INSYN1: variants seen among roughly 807,000 people sequenced by gnomAD.
INSYN1 encodes UPF0583 protein C15orf59.
Under a neutral mutation model 17.1 loss-of-function variants are expected in INSYN1, and 7 were observed. The ratio of observed to expected loss-of-function variants is 0.41; its 90% CI spans 0.23 to 0.77. The LOEUF (loss-of-function observed/expected upper bound fraction) is 0.77, where lower values mean the gene tolerates loss of function less well. Among genes scored for constraint, INSYN1 ranks in the 30% least tolerant of loss-of-function variants. INSYN1 has a pLI of 0.32. For missense variants in INSYN1, 339 were observed against 400.6 expected, an observed-to-expected ratio of 0.85 and a Z score of 1.31; for synonymous variants, 174 against 166.3, an observed-to-expected ratio of 1.05 and a Z score of -0.36.
chr15:73,741,451 C>T (rs1432053719), intron 2 of INSYN1, among the ~76,000 whole-genome samples: 1 of 152,226 alleles, frequency 6.6e-6, no homozygotes, highest in Non-Finnish European at 1.5e-5. Context: ...TCACTCCACC[C>T]TGGCCTGCCT....
At chr15:73,741,726 C>T (rs1901696224) in intron 2 of INSYN1, among the ~76,000 whole-genome samples, 1 of 152,220 alleles carries the variant, frequency 6.6e-6, no homozygotes, top group Non-Finnish European at 1.5e-5. Context: ...GTGAGTCATC[C>T]AGATCAGAAT....
chr15:73,737,838 C>A lies in INSYN1; in HGVS notation c.*2079G>T, dbSNP rs1328411819. The A allele has an allele frequency of 2.0e-5, 3 of 152,378 alleles. No homozygotes were observed. In the East Asian group the frequency reaches 5.8e-4, roughly 29 times the overall value. The allele number at this position is 152,378 out of a possible 1,614,324, so 9.4% of individuals were successfully genotyped here. ...CGGACAGACGCTGGGGGGCTGTAAA[C>A]CTGCCTTAATTGAAATATGCAACAG... On this transcript the variant is annotated 3_prime_UTR_variant, in exon 3 of 3. Transcript: ENST00000569673.
chr15:73,744,005 C>T (rs539738309), intron 2 of INSYN1, among the ~76,000 whole-genome samples: 2 of 152,180 alleles, frequency 1.3e-5, no homozygotes, highest in South Asian at 2.1e-4. Context: ...AGTTACTCAA[C>T]GTCTCTGTGC....
At chr15:73,741,793 T>C (rs1202738576) in intron 2 of INSYN1, among the ~76,000 whole-genome samples, 1 of 152,184 alleles carries the variant, frequency 6.6e-6, no homozygotes, top group Non-Finnish European at 1.5e-5. Context: ...AGGCAATTAA[T>C]TAATTAACTC....
At position 73,739,865 on chromosome 15, in the gene INSYN1, A is replaced by ATATATATATATATATATATT. The variant is rs1410142997; in HGVS notation, c.*51_*52insAATATATATATATATATATA. 2 of 328,026 alleles carry ATATATATATATATATATATT rather than the reference A, an allele frequency of 6.1e-6. No individual in the cohort carries two copies. The highest frequency in any genetic ancestry group is 4.5e-5 in the African/African-American group (2 of 44,342). The allele number at this position is 328,026 out of a possible 1,614,324, so 20.3% of individuals were successfully genotyped here. ...TATATATATATATATATATATATAT[A>ATATATATATATATATATATT]TATTTATTTATAGCTCTATGTGCCC... On this transcript the variant is annotated 3_prime_UTR_variant, in exon 3 of 3. Transcript: ENST00000569673.
At chr15:73,748,708 C>T (rs1901902343) in intron 2 of INSYN1, among the ~76,000 whole-genome samples, 1 of 152,192 alleles carries the variant, frequency 6.6e-6, no homozygotes, top group Admixed American at 6.5e-5. Flanking sequence ...CTTGGTAACC[C>T]CATCCCTGGC....
Position 73,737,460 on chromosome 15 carries a change from G to A in INSYN1, c.*2457C>T, listed in dbSNP as rs1036785210. Reference sequence around the variant, plus strand: ...TCATCCTGTGAACCAGAGCCCTATCGCTGATCAGCACCAAATGGCTGAGGA... The same window carrying A: ...TCATCCTGTGAACCAGAGCCCTATCACTGATCAGCACCAAATGGCTGAGGA... On this transcript the variant is annotated 3_prime_UTR_variant, in exon 3 of 3. Transcript: ENST00000569673. 2.0e-5 allele frequency: 3 copies of A among 152,268 alleles called. No individual in the cohort carries two copies. Among genetic ancestry groups the A allele is most frequent in the East Asian group, 1.9e-4 (1 of 5,194 alleles). The allele number at this position is 152,268 out of a possible 1,614,324, so 9.4% of individuals were successfully genotyped here.
At chr15:73,748,189 G>A (rs963137080) in intron 2 of INSYN1, among the ~76,000 whole-genome samples, 1 of 152,180 alleles carries the variant, frequency 6.6e-6, no homozygotes, top group African/African-American at 2.4e-5. Context: ...GACCTGGGGA[G>A]GAAGTGCTTT....
In INSYN1 at chr15:73,751,103, C is replaced by T; in HGVS notation, c.28G>A (p.Gly10Arg). 3 of 1,613,920 alleles carry T rather than the reference C, an allele frequency of 1.9e-6. No individual in the cohort carries two copies. The highest frequency in any genetic ancestry group is 1.7e-6 in the Non-Finnish European group (2 of 1,180,020). The change falls in exon 2 of 3, where the codon GGG becomes AGG. Residue 10 changes from glycine (G) to arginine (R), a missense_variant. Transcript: ENST00000569673. The stretch of plus-strand genomic sequence containing the variant: ...CTGCTGGGGTCGTCACTGGGCTGCC[C>T]GAGGTCCGGGGCGCCCCGAATGTTC... The part of the protein sequence containing the change: MNIRGAPDL[G>R]QPSDDPSSGG...
At chr15:73,749,996 C>T (rs1366951700) in intron 2 of INSYN1, among the ~76,000 whole-genome samples, 1 of 152,226 alleles carries the variant, frequency 6.6e-6, no homozygotes, top group African/African-American at 2.4e-5. Context: ...CCTCCCTGCA[C>T]AGCTGGCCAG....
At chr15:73,744,940 AC>A (rs1901784089) in intron 2 of INSYN1, among the ~76,000 whole-genome samples, 2 of 141,560 alleles carry the variant, frequency 1.4e-5, no homozygotes, top group Admixed American at 8.2e-5. Flanking sequence ...GCACCTTAAG[AC>A]CAAGAATGAC....
At chr15:73,740,717 AC>A in intron 2 of INSYN1, 75 bp from the exon 3 acceptor site, 1 of 1,193,300 alleles carries the variant, frequency 8.4e-7, no homozygotes, top group Non-Finnish European at 1.2e-6. Flanking sequence ...GTGTGTCTCC[AC>A]CCCATCCCTG....
Position 73,740,155 on chromosome 15 carries a change from A to ACTT in INSYN1, c.641_643dup (p.Glu214dup). The ACTT allele has an allele frequency of 6.2e-7, 1 of 1,613,830 alleles. No homozygotes were observed. On this transcript the variant is annotated inframe_insertion, in exon 3 of 3. Coordinates refer to ENST00000569673, the MANE Select transcript of INSYN1 (RefSeq NM_001039614.3). ...ATGGGCAGGCTCAGGGGGCAAGCCC[A>ACTT]CTTCTTCCTCCTCCACCTCCTGCTC...
intron 2 of INSYN1, among the ~76,000 whole-genome samples, chr15:73,743,966 A>C (rs557175480): frequency 1.3e-5 from 2 of 152,000 alleles, no homozygotes; most frequent in East Asian, 3.9e-4. Context: ...CCCTGGCTTC[A>C]CTGCTTACCA....
In INSYN1 at chr15:73,736,729, A is replaced by G. The variant is rs1202382395; in HGVS notation, c.*3188T>C. ...GGCCATGTGGTGAAACCCCATCTCT[A>G]CTAAAAATACAAAACTTAGTAGCTG... On this transcript the variant is annotated 3_prime_UTR_variant, in exon 3 of 3. Coordinates refer to ENST00000569673, the MANE Select transcript of INSYN1 (RefSeq NM_001039614.3). The G allele has an allele frequency of 6.6e-6, 1 of 152,158 alleles. No homozygotes were observed. Among genetic ancestry groups the G allele is most frequent in the Non-Finnish European group, 1.5e-5 (1 of 68,062 alleles). The allele number at this position is 152,158 out of a possible 1,614,324, so 9.4% of individuals were successfully genotyped here. A position where few individuals can be genotyped will look rare whatever the true frequency, so the allele number is the denominator to read the frequency against.
Position 73,751,524 on chromosome 15 carries a change from G to C in INSYN1, c.-394C>G, listed in dbSNP as rs1901985017. The C allele has an allele frequency of 4.5e-6, 1 of 223,136 alleles. No individual in the cohort carries two copies. The allele number at this position is 223,136 out of a possible 1,614,324, so 13.8% of individuals were successfully genotyped here. A position where few individuals can be genotyped will look rare whatever the true frequency, so the allele number is the denominator to read the frequency against. On this transcript the variant is annotated 5_prime_UTR_variant, in exon 2 of 3. The change creates a new upstream start codon in the 5' untranslated region. Transcript: ENST00000569673. ...GACTAAGGGTAAGAGATGCCCTTGG[G>C]ATGGGGGAAGGCAGCAGGGATCCCC...
chr15:73,751,017 G>C lies in INSYN1; in HGVS notation c.114C>G (p.Gly38=), dbSNP rs766721000. 1 of 1,614,086 alleles carries C rather than the reference G, an allele frequency of 6.2e-7. No individual in the cohort carries two copies. Among genetic ancestry groups the C allele is most frequent in the Middle Eastern group, 1.6e-4 (1 of 6,062 alleles). ...RMKMVIGQLE[G]ILRELKEVAK... The stretch of plus-strand genomic sequence containing the variant: ...CCACCTCCTTGAGCTCGCGAAGGAT[G>C]CCCTCAAGCTGCCCGATGACCATCT... Residue 38 remains glycine (G), a synonymous_variant, in exon 2 of 3, where the codon GGC becomes GGG. Coordinates refer to ENST00000569673, the MANE Select transcript of INSYN1 (RefSeq NM_001039614.3).
At chr15:73,748,245 G>A (rs1187231963) in intron 2 of INSYN1, among the ~76,000 whole-genome samples, 2 of 152,190 alleles carry the variant, frequency 1.3e-5, no homozygotes, top group Non-Finnish European at 2.9e-5. Context: ...TGCTCGAGAG[G>A]ATGAGGAGAG....
chr15:73,740,088 G>C lies in INSYN1; in HGVS notation c.711C>G (p.Pro237=), dbSNP rs770043589. The C allele has an allele frequency of 1.2e-6, 2 of 1,613,634 alleles. No homozygotes were observed. Among genetic ancestry groups the C allele is most frequent in the African/African-American group, 1.3e-5 (1 of 74,874 alleles). Residue 237 remains proline, a synonymous_variant, in exon 3 of 3, where the codon CCC becomes CCG. Transcript: ENST00000569673. The part of the protein sequence containing the change: ...HAGPHKPSPA[P]YKSRRSPLTS... Reference sequence around the variant, plus strand: ...TCAGTGGAGAGCGCCGTGACTTGTAGGGGGCTGGGGAGGGCTTGTGGGGGC... The same window carrying C: ...TCAGTGGAGAGCGCCGTGACTTGTACGGGGCTGGGGAGGGCTTGTGGGGGC...
Sources: allele counts gnomAD v4.1 joint callset (sites outside exome capture counted in the v4.1 genomes callset), GRCh38; gene constraint gnomAD v4.1.1; transcripts MANE v1.5; gene names NCBI Gene and HGNC (gene_info 2026-07-23, HGNC 2026-07-21).